The following ZFP3 variants were observed in gnomAD, a reference collection of about 807,000 sequenced individuals.
The protein encoded by ZFP3 is ZFP3 zinc finger protein, also known as zinc finger protein 3 homolog.
In ZFP3, 18 loss-of-function variants were observed where a neutral mutation model predicts 36.7. That is an observed-to-expected ratio of 0.49 (90% CI 0.34 to 0.73). The LOEUF is 0.73. Ranked by LOEUF, ZFP3 falls within the 30% of genes least tolerant of loss-of-function variation. The probability of loss-of-function intolerance (pLI) is 0.01; values close to 1 mark genes in which losing one functional copy is unlikely to be tolerated. For missense variants in ZFP3, 495 were observed against 599.0 expected (o/e 0.83, Z 1.81); for synonymous variants, 218 against 199.0 (o/e 1.10, Z -0.81).
At chr17:5,080,461 A>G (rs2072087475) in intron 1 of ZFP3, among the ~76,000 whole-genome samples, 1 of 152,072 alleles carries the variant, frequency 6.6e-6, no homozygotes, top group African/African-American at 2.4e-5. Flanking sequence ...TTGCTCACAT[A>G]CCCCGTAAAA....
chr17:5,091,861 C>T lies in ZFP3; in HGVS notation c.357C>T (p.Gly119=). ...GAGTTAGTGCATTTGCTACCTCTGG[C>T]CAAAACTTCCTAGAGATTTTAGAAT... is the stretch of plus-strand genomic sequence containing the variant. ...TEGVSAFATS[G]QNFLEILESN... is the part of the protein sequence containing the mutation. Residue 119 remains glycine, a synonymous_variant, in exon 2 of 2, where the codon GGC becomes GGT. Coordinates refer to ENST00000318833, the MANE Select transcript of ZFP3 (RefSeq NM_153018.3). The T allele has an allele frequency of 1.9e-6, 3 of 1,614,156 alleles. No homozygotes were observed. Among genetic ancestry groups the T allele is most frequent in the Non-Finnish European group, 1.7e-6 (2 of 1,180,030 alleles).
At chr17:5,079,476 AGT>A (rs2072082358) in intron 1 of ZFP3, among the ~76,000 whole-genome samples, 1 of 151,934 alleles carries the variant, frequency 6.6e-6, no homozygotes, top group Non-Finnish European at 1.5e-5. Context: ...AGCTGCAGTG[AGT>A]CTGGGCAATA....
In ZFP3 at chr17:5,091,988, G is replaced by A. The variant is rs1358754394; in HGVS notation, c.484G>A (p.Val162Ile). ...CTCACATCTCATCCAGCATATGAGAGTTCATAGTGGAGAAAAACCCTTTGA... is the reference window on the plus strand; with the variant it reads ...CTCACATCTCATCCAGCATATGAGAATTCATAGTGGAGAAAAACCCTTTGA... The part of the protein sequence containing the change: ...QNSHLIQHMR[V>I]HSGEKPFECK... The change falls in exon 2 of 2, where the codon GTT (valine) becomes ATT (isoleucine). Residue 162 changes from valine (V) to isoleucine (I), a missense_variant. Coordinates refer to ENST00000318833, the MANE Select transcript of ZFP3 (RefSeq NM_153018.3). 1 of 1,614,084 alleles carries A rather than the reference G, an allele frequency of 6.2e-7. No individual in the cohort carries two copies. Among genetic ancestry groups the A allele is most frequent in the East Asian group, 2.2e-5 (1 of 44,900 alleles).
chr17:5,086,292 C>T (rs12948667), intron 1 of ZFP3, among the ~76,000 whole-genome samples: 30,707 of 151,912 alleles, frequency 0.2, 3,943 homozygotes, highest in East Asian at 0.58. Context: ...TAGAGGTGCC[C>T]GAGCCGGATG....
rs1399283365 is a variant in ZFP3 at position 5,092,574 on chromosome 17, G to A, written c.1070G>A (p.Arg357Lys). 1 of 1,614,084 alleles carries A rather than the reference G, an allele frequency of 6.2e-7. No homozygotes were observed. The highest frequency in any genetic ancestry group is 8.5e-7 in the Non-Finnish European group (1 of 1,180,014). ...AACTCAGAGATTATTAGACATATTA[G>A]AATTCATACTGGTGAGAAGCCCTAT... ...GQNSEIIRHI[R>K]IHTGEKPYVC... Residue 357 changes from arginine (R) to lysine (K), a missense_variant, in exon 2 of 2, where the codon AGA becomes AAA. Arg to Lys is a conservative substitution (Grantham distance 26). Around this residue, in one of 3 missense-constraint regions of ZFP3, gnomAD observed 163 missense variants for 178.4 expected, o/e 0.91. Coordinates refer to ENST00000318833, the MANE Select transcript of ZFP3 (RefSeq NM_153018.3). The surrounding 1 kb of genome is among the most constrained non-coding windows in gnomAD (Gnocchi z 5.0).
chr17:5,081,576 G>T (rs1050350553), intron 1 of ZFP3, among the ~76,000 whole-genome samples: 1 of 151,292 alleles, frequency 6.6e-6, no homozygotes, highest in African/African-American at 2.4e-5. Context: ...TTTCACAATT[G>T]TTCTTTTCTT....
chr17:5,079,541 T>C (rs2072082712), intron 1 of ZFP3, among the ~76,000 whole-genome samples: 1 of 152,184 alleles, frequency 6.6e-6, no homozygotes, highest in South Asian at 2.1e-4. Context: ...TCATTATATA[T>C]ATAAGACAGT....
chr17:5,082,404 G>A (rs1423900510), intron 1 of ZFP3, among the ~76,000 whole-genome samples: 1 of 152,066 alleles, frequency 6.6e-6, no homozygotes, highest in Non-Finnish European at 1.5e-5. Flanking sequence ...TCTCCTTAAG[G>A]TTACCATGGT....
Sources: gnomAD v4.1 joint callset for allele counts (sites outside exome capture counted in the v4.1 genomes callset) on GRCh38, gnomAD v4.1.1 for gene constraint, gnomAD v4.1.1 regional missense constraint, Gnocchi (gnomAD v3.1) non-coding constraint, MANE v1.5 for transcripts, NCBI Gene and HGNC (gene_info 2026-07-23, HGNC 2026-07-21) for gene names.